ATL1: variants seen among roughly 807,000 people sequenced by gnomAD.
The protein encoded by ATL1 is atlastin GTPase 1.
A neutral mutation model predicts 75.5 loss-of-function variants in ATL1; 31 were observed. That is an observed-to-expected ratio of 0.41 (90% CI 0.31 to 0.55). ATL1 has a LOEUF of 0.55. Among genes scored for constraint, ATL1 ranks in the 20% least tolerant of loss-of-function variants. The probability of loss-of-function intolerance (pLI) is 0.27; values close to 1 mark genes in which losing one functional copy is unlikely to be tolerated. For synonymous variants in ATL1, 226 were observed against 233.3 expected (o/e 0.97, Z 0.28); for missense variants, 405 against 662.6 (o/e 0.61, Z 4.27).
chr14:50,618,384 CAAT>C (rs2039434356), intron 8 of ATL1, among the ~76,000 whole-genome samples: 1 of 152,030 alleles, frequency 6.6e-6, no homozygotes, highest in African/African-American at 2.4e-5. Context: ...AAGCAAACCA[CAAT>C]AATAAATCTA....
intron 1 of ATL1, among the ~76,000 whole-genome samples, chr14:50,552,643 G>A (rs138659118): frequency 6.0e-4 from 91 of 152,266 alleles, no homozygotes; most frequent in African/African-American, 2.1e-3. Flanking sequence ...CCAAAACAAC[G>A]TGGTACTGCT....
chr14:50,553,019 G>C (rs766182271), intron 1 of ATL1, among the ~76,000 whole-genome samples: 1 of 152,110 alleles, frequency 6.6e-6, no homozygotes, highest in African/African-American at 2.4e-5. Flanking sequence ...ATGGGGCCAG[G>C]CATGGTGGCT....
chr14:50,630,152 T>C, intron 13 of ATL1, 143 bp downstream of exon 13: 1 of 535,362 alleles, frequency 1.9e-6, no homozygotes, highest in Non-Finnish European at 3.2e-6. Flanking sequence ...TTTGTAATTG[T>C]GAATTTTTAA....
intron 1 of ATL1, chr14:50,572,095 T>C (rs2038960034): frequency 1.6e-5 from 8 of 507,798 alleles, no homozygotes; most frequent in South Asian, 1.3e-4. Context: ...AGTTATAACT[T>C]CTTGTCCATA....
Position 50,596,612 on chromosome 14 carries a change from T to C in ATL1, c.630+980T>C, listed in dbSNP as rs74952184. Among the ~76,000 whole-genome samples the C allele has an allele frequency of 7.8e-4, 119 of 152,328 alleles. No homozygotes were observed. In the East Asian group the frequency reaches 0.01, roughly 13 times the overall value. On this transcript the variant is annotated intron_variant, in intron 6 of 13. Coordinates refer to ENST00000358385, the MANE Select transcript of ATL1 (RefSeq NM_015915.5). ...GCAGGTCTCCACAATTTTCGAAGGA[T>C]TGAATTCATACTGACCTCATTCTGT...
chr14:50,622,257 G>A (rs549263667), intron 10 of ATL1, among the ~76,000 whole-genome samples: 5 of 152,316 alleles, frequency 3.3e-5, no homozygotes, highest in East Asian at 3.9e-4. Context: ...AGCCAGGCAC[G>A]GTGGCATGTG....
chr14:50,595,563 A>AC lies in ATL1; in HGVS notation c.574-13_574-12insC. 1.9e-6 allele frequency: 3 copies of AC among 1,608,986 alleles called. No homozygotes were observed. Among genetic ancestry groups the AC allele is most frequent in the Non-Finnish European group, 2.5e-6 (3 of 1,177,162 alleles). On this transcript the variant is annotated splice_polypyrimidine_tract_variant and intron_variant, in intron 5 of 13. Coordinates refer to ENST00000358385, the MANE Select transcript of ATL1 (RefSeq NM_015915.5). ...CTCTCTGTGTATGTGTGTGTGTGTA[A>AC]TTTTTTTTCTAGCTTTTCACTGAGT...
At chr14:50,625,963 G>C (rs548684254) in intron 11 of ATL1, among the ~76,000 whole-genome samples, 1 of 151,636 alleles carries the variant, frequency 6.6e-6, no homozygotes, top group East Asian at 1.9e-4. Flanking sequence ...ATTAATGGAA[G>C]AACAAAGCCT....
intron 1 of ATL1, among the ~76,000 whole-genome samples, chr14:50,585,972 C>T (rs78876868): frequency 0.037 from 5,686 of 152,120 alleles, 101 homozygotes; most frequent in Middle Eastern, 0.058. Context: ...TCATGCAAAA[C>T]TAAAATTATA....
intron 1 of ATL1, among the ~76,000 whole-genome samples, chr14:50,543,379 A>G (rs931360712): frequency 7.2e-5 from 11 of 152,346 alleles, no homozygotes; most frequent in Admixed American, 7.2e-4. Context: ...GTGACCTGTC[A>G]TCATGGGAAT....
intron 1 of ATL1, among the ~76,000 whole-genome samples, chr14:50,574,504 A>C (rs933248260): frequency 6.6e-6 from 1 of 152,174 alleles, no homozygotes; most frequent in African/African-American, 2.4e-5. Flanking sequence ...AAGAGTAATC[A>C]TCCATTTTCA....
intron 11 of ATL1, 135 bp from the exon 12 acceptor site, chr14:50,627,896 G>C: frequency 1.2e-6 from 1 of 802,546 alleles, no homozygotes; most frequent in East Asian, 2.7e-5. Flanking sequence ...GAAAGATGTG[G>C]GCTGACAAAA....
At chr14:50,584,166 G>A (rs1352140874) in intron 1 of ATL1, among the ~76,000 whole-genome samples, 1 of 151,888 alleles carries the variant, frequency 6.6e-6, no homozygotes, top group African/African-American at 2.4e-5. Flanking sequence ...CTTGAGTCCA[G>A]GAATTTGAGA....
chr14:50,568,000 T>G (rs1226789670), intron 1 of ATL1, among the ~76,000 whole-genome samples: 3 of 152,230 alleles, frequency 2.0e-5, no homozygotes, highest in African/African-American at 7.2e-5. Context: ...TTAGGTCTAA[T>G]TGGCACATTG....
intron 6 of ATL1, among the ~76,000 whole-genome samples, chr14:50,605,262 T>A (rs921737161): frequency 1.3e-5 from 2 of 151,820 alleles, no homozygotes; most frequent in Non-Finnish European, 2.9e-5. Flanking sequence ...CTGCCTGCAA[T>A]ATCCATAGAC....
chr14:50,582,262 G>C (rs1406191020), intron 1 of ATL1, among the ~76,000 whole-genome samples: 2 of 151,778 alleles, frequency 1.3e-5, no homozygotes, highest in Admixed American at 1.3e-4. Context: ...CTGGGTGACA[G>C]AGTGAGTCTC....
intron 1 of ATL1, among the ~76,000 whole-genome samples, chr14:50,552,081 C>T (rs574693597): frequency 5.3e-5 from 8 of 152,210 alleles, no homozygotes; most frequent in South Asian, 4.1e-4. Context: ...TGTTGCTGTT[C>T]GCCGATGATA....
upstream of ATL1, among the ~76,000 whole-genome samples, chr14:50,556,436 T>G (rs2038766285): frequency 1.3e-5 from 2 of 152,136 alleles, no homozygotes; most frequent in East Asian, 3.8e-4. Flanking sequence ...CAGGCTGGTC[T>G]CGAACTCCTG....
At chr14:50,603,323 C>G (rs115000428) in intron 6 of ATL1, among the ~76,000 whole-genome samples, 1,794 of 152,256 alleles carry the variant, frequency 0.012, 35 homozygotes, top group African/African-American at 0.041. Flanking sequence ...CTTAAAAGCC[C>G]AGCAAGACCT....
Sources: gnomAD v4.1 joint callset for allele counts (sites outside exome capture counted in the v4.1 genomes callset) on GRCh38, gnomAD v4.1.1 for gene constraint, MANE v1.5 for transcripts, NCBI Gene and HGNC (gene_info 2026-07-23, HGNC 2026-07-21) for gene names.